Variants in LYZL1 observed in about 807,000 individuals in gnomAD.
LYZL1 encodes lysozyme like 1.
A neutral mutation model predicts 17.9 loss-of-function variants in LYZL1; 16 were observed. That is an observed-to-expected ratio of 0.90 (90% CI 0.61 to 1.36). LYZL1 has a LOEUF of 1.36. LYZL1 is among the 40% of genes most tolerant of loss of function. LYZL1 has a pLI of 0.00. For synonymous variants in LYZL1, 58 were observed against 71.8 expected, an observed-to-expected ratio of 0.81 and a Z score of 0.97; for missense variants, 149 against 188.4, an observed-to-expected ratio of 0.79 and a Z score of 1.22.
chr10:29,311,165 A>C lies in LYZL1; in HGVS notation c.*106A>C. 6.2e-7 allele frequency: 1 copy of C among 1,604,484 alleles called. No homozygotes were observed. Among genetic ancestry groups the C allele is most frequent in the Non-Finnish European group, 8.5e-7 (1 of 1,176,726 alleles). ...CGTTTCCTCCCAATATTCCTTCTCAAACTTGGAGAGGGAAAATTAAGCTAT... is the reference window on the plus strand; with the variant it reads ...CGTTTCCTCCCAATATTCCTTCTCACACTTGGAGAGGGAAAATTAAGCTAT... On this transcript the variant is annotated 3_prime_UTR_variant, in exon 5 of 5. Coordinates refer to ENST00000649382, the MANE Select transcript of LYZL1 (RefSeq NM_032517.6).
In LYZL1 at chr10:29,292,683, G is replaced by A; in HGVS notation, c.298+6G>A. 1 of 1,609,786 alleles carries A rather than the reference G, an allele frequency of 6.2e-7. No homozygotes were observed. The highest frequency in any genetic ancestry group is 8.5e-7 in the Non-Finnish European group (1 of 1,177,598). ...CTGCCATGTCGCCTGCTCAGGTGAG[G>A]CTCTGACTTTCCAGTGATGCCATCC... On this transcript the variant is annotated splice_donor_region_variant and intron_variant, in intron 3 of 4. Coordinates refer to ENST00000649382, the MANE Select transcript of LYZL1 (RefSeq NM_032517.6).
rs115667727 is a variant in LYZL1 at position 29,293,647 on chromosome 10, G to A, written c.298+970G>A. 8.3e-3 allele frequency among the ~76,000 whole-genome samples: 1,259 copies of A among 152,262 alleles called. 20 individuals are homozygous for A. The highest frequency in any genetic ancestry group is 0.046 in the South Asian group (224 of 4,828). ...TCATGTAAGGAGGAGTGCGCTGAGT[G>A]CCATGGGCTTCAGAGGAAAGTGACA... On this transcript the variant is annotated intron_variant, in intron 3 of 4. Coordinates refer to ENST00000649382, the MANE Select transcript of LYZL1 (RefSeq NM_032517.6).
chr10:29,296,266 G>C (rs993701148), intron 3 of LYZL1, among the ~76,000 whole-genome samples: 1 of 152,192 alleles, frequency 6.6e-6, no homozygotes, highest in Non-Finnish European at 1.5e-5. Flanking sequence ...AAAGCAGGAG[G>C]CAAGTGGTGA....
chr10:29,312,383 T>C (rs1431517756), downstream of LYZL1, among the ~76,000 whole-genome samples: 1 of 152,132 alleles, frequency 6.6e-6, no homozygotes, highest in Non-Finnish European at 1.5e-5. Flanking sequence ...TGAGATTTTT[T>C]TTTTTTGTGA....
chr10:29,291,330 A>C (rs942686590), intron 1 of LYZL1, among the ~76,000 whole-genome samples: 1 of 151,946 alleles, frequency 6.6e-6, no homozygotes, highest in African/African-American at 2.4e-5. Flanking sequence ...GATCATCATA[A>C]AGGGCTTCAT....
chr10:29,301,586 TC>T (rs1436402050), intron 3 of LYZL1, among the ~76,000 whole-genome samples: 2 of 152,210 alleles, frequency 1.3e-5, no homozygotes, highest in Non-Finnish European at 2.9e-5. Context: ...ATGTAATATG[TC>T]TTTTTTATCT....
Position 29,293,241 on chromosome 10 carries a change from T to C in LYZL1, c.298+564T>C, listed in dbSNP as rs115100736. Among the ~76,000 whole-genome samples, 1,244 of 147,194 alleles carry C rather than the reference T, an allele frequency of 8.5e-3. 19 individuals carry two copies. The highest frequency in any genetic ancestry group is 0.05 in the South Asian group (220 of 4,400). On this transcript the variant is annotated intron_variant, in intron 3 of 4. Coordinates refer to ENST00000649382, the MANE Select transcript of LYZL1 (RefSeq NM_032517.6). ...TTGACCTCCAGGCCCCAAGTGATCC[T>C]CCCTCCTCTGGGTAGCTAGAACTAT... is the stretch of plus-strand genomic sequence containing the variant.
chr10:29,317,811 G>A lies in LYZL1; in HGVS notation c.*139-340G>A, dbSNP rs181587516. Among the ~76,000 whole-genome samples the A allele has an allele frequency of 4.2e-3, 645 of 152,230 alleles. 6 individuals carry two copies. The highest frequency in any genetic ancestry group is 0.014 in the African/African-American group (592 of 41,534). ...GTGATTAATTTACCTGGGGATGGTG[G>A]CACACACCTGTAGTCCCAGCTACTT... On this transcript the variant is annotated intron_variant and NMD_transcript_variant, in intron 4 of 4. Transcript: ENST00000494304.
chr10:29,312,040 T>C (rs1285943077), downstream of LYZL1, among the ~76,000 whole-genome samples: 7 of 152,190 alleles, frequency 4.6e-5, no homozygotes, highest in African/African-American at 1.2e-4. Flanking sequence ...TGGCTCACGC[T>C]TGTAATCCCA....
intron 1 of LYZL1, among the ~76,000 whole-genome samples, chr10:29,290,896 G>A (rs1197700732): frequency 1.3e-5 from 2 of 152,134 alleles, no homozygotes; most frequent in African/African-American, 4.8e-5. Flanking sequence ...TCCCACATTT[G>A]GAACTGAATC....
In LYZL1 at chr10:29,292,559, A is replaced by G; in HGVS notation, c.180A>G (p.Thr60=). The change falls in exon 3 of 5, where the codon ACA becomes ACG. Residue 60 remains threonine (T), a synonymous_variant. Transcript: ENST00000649382. ...ATTATGAGAGCGGCTACAACACCAC[A>G]GCCCAGACGGTCCTGGATGACGGCA... ...MAYYESGYNT[T]AQTVLDDGSI... is the part of the protein sequence containing the mutation. 6.2e-7 allele frequency: 1 copy of G among 1,614,222 alleles called. No individual in the cohort carries two copies. The highest frequency in any genetic ancestry group is 8.5e-7 in the Non-Finnish European group (1 of 1,180,042).
chr10:29,291,950 C>T lies in LYZL1; in HGVS notation c.83C>T (p.Ala28Val), dbSNP rs752496056. The change falls in exon 2 of 5, where the codon GCA (alanine) becomes GTA (valine). Residue 28 changes from alanine to valine, a missense_variant. Coordinates refer to ENST00000649382, the MANE Select transcript of LYZL1 (RefSeq NM_032517.6). ...AAAATCTACACTCGTTGCAAACTGG[C>T]AAAAATATTCTCGAGGGCTGGCCTG... ...ESKIYTRCKLAKIFSRAGLDN... is the reference protein window; with the variant it reads ...ESKIYTRCKLVKIFSRAGLDN... 19 of 1,589,452 alleles carry T rather than the reference C, an allele frequency of 1.2e-5. No homozygotes were observed. In the East Asian group the frequency reaches 4.1e-4, roughly 34 times the overall value.
At chr10:29,294,028 A>T (rs769510406) in intron 3 of LYZL1, among the ~76,000 whole-genome samples, 1 of 152,116 alleles carries the variant, frequency 6.6e-6, no homozygotes, top group South Asian at 2.1e-4. Flanking sequence ...AAACACAGTG[A>T]TATTTGACCC....
chr10:29,290,846 A>AAAT (rs975815718), intron 1 of LYZL1, among the ~76,000 whole-genome samples: 10 of 152,050 alleles, frequency 6.6e-5, no homozygotes, highest in Admixed American at 2.0e-4. Context: ...CTCAAAAAAT[A>AAAT]AATAAATAAA....
intron 1 of LYZL1, among the ~76,000 whole-genome samples, chr10:29,290,702 G>T (rs1835350923): frequency 6.6e-6 from 1 of 152,012 alleles, no homozygotes; most frequent in South Asian, 2.1e-4. Context: ...AGCCAGGTGT[G>T]GTGGTGGGCG....
At chr10:29,296,729 A>T (rs982495977) in intron 3 of LYZL1, among the ~76,000 whole-genome samples, 5 of 152,180 alleles carry the variant, frequency 3.3e-5, no homozygotes, top group African/African-American at 1.2e-4. Flanking sequence ...TCTTCTAGGG[A>T]TCTGGCCAAA....
At chr10:29,299,595 G>A (rs1835489968) in intron 3 of LYZL1, among the ~76,000 whole-genome samples, 1 of 152,022 alleles carries the variant, frequency 6.6e-6, no homozygotes, top group South Asian at 2.1e-4. Context: ...CATTTTTGAA[G>A]CTTTGTTATT....
At chr10:29,314,398 C>T (rs74842418), downstream of LYZL1, among the ~76,000 whole-genome samples, 12,756 of 152,190 alleles carry the variant, frequency 0.084, 621 homozygotes, top group South Asian at 0.13. Flanking sequence ...GAGGCCAAGA[C>T]GGGAGGATCA....
intron 1 of LYZL1, among the ~76,000 whole-genome samples, chr10:29,290,723 C>T (rs1835351555): frequency 6.6e-6 from 1 of 151,980 alleles, no homozygotes; most frequent in Non-Finnish European, 1.5e-5. Context: ...CCTGTAATCC[C>T]AGCTACTCAG....
Sources: gnomAD v4.1 joint callset for allele counts (sites outside exome capture counted in the v4.1 genomes callset) on GRCh38, gnomAD v4.1.1 for gene constraint, MANE v1.5 for transcripts, NCBI Gene and HGNC (gene_info 2026-07-23, HGNC 2026-07-21) for gene names.